CAMK2D: variants seen among roughly 807,000 people sequenced by gnomAD.
The protein encoded by CAMK2D is calcium/calmodulin dependent protein kinase II delta.
A neutral mutation model predicts 84.0 loss-of-function variants in CAMK2D; 37 were observed. That is an observed-to-expected ratio of 0.44 (90% confidence interval 0.34 to 0.58). The LOEUF (loss-of-function observed/expected upper bound fraction) is 0.58, where lower values mean the gene tolerates loss of function less well. CAMK2D is among the 20% of genes least tolerant of loss of function. CAMK2D has a pLI of 0.02. For synonymous variants in CAMK2D, 202 were observed against 212.5 expected, an observed-to-expected ratio of 0.95 and a Z score of 0.43; for missense variants, 448 against 652.5, an observed-to-expected ratio of 0.69 and a Z score of 3.41.
intron 2 of CAMK2D, among the ~76,000 whole-genome samples, chr4:113,668,028 A>G (rs964734244): frequency 6.6e-6 from 1 of 152,172 alleles, no homozygotes; most frequent in East Asian, 1.9e-4. Context: ...AAGCTCATAC[A>G]AATGTAGATT....
At chr4:113,612,400 C>T (rs2099004129) in intron 3 of CAMK2D, among the ~76,000 whole-genome samples, 1 of 152,164 alleles carries the variant, frequency 6.6e-6, no homozygotes, top group Non-Finnish European at 1.5e-5. Flanking sequence ...CTATAAATAA[C>T]TGTCAATTCA....
chr4:113,512,898 C>A lies in CAMK2D; in HGVS notation c.946+430G>T, dbSNP rs963415348. 1.5e-4 allele frequency among the ~76,000 whole-genome samples: 23 copies of A among 152,124 alleles called. 1 individual carries two copies. The highest frequency in any genetic ancestry group is 4.4e-5 in the Non-Finnish European group (3 of 68,002). ...TAATGGTCTTCTTTTAAAAATCTTGCATACTAGGATTCCCTATGAAAATGA... is the reference window on the plus strand; with the variant it reads ...TAATGGTCTTCTTTTAAAAATCTTGAATACTAGGATTCCCTATGAAAATGA... On this transcript the variant is annotated intron_variant, in intron 12 of 20. Coordinates refer to ENST00000511664, the MANE Select transcript of CAMK2D (RefSeq NM_001321571.2).
At position 113,583,203 on chromosome 4, in the gene CAMK2D, TC is replaced by T. The variant is rs1302084776; in HGVS notation, c.275+25948del. On this transcript the variant is annotated intron_variant, in intron 4 of 20. Transcript: ENST00000511664. ...ACAAGAATTTTCCAGGGTTTTGAATTCCAATGTGCATTATTTAGCAAATACC... is the reference window on the plus strand; with the variant it reads ...ACAAGAATTTTCCAGGGTTTTGAATTCAATGTGCATTATTTAGCAAATACC... Among the ~76,000 whole-genome samples the T allele has an allele frequency of 3.3e-5, 5 of 151,832 alleles. No homozygotes were observed. The East Asian group carries it at 7.7e-4, about 23-fold the overall frequency.
intron 13 of CAMK2D, among the ~76,000 whole-genome samples, chr4:113,506,621 C>T (rs981996230): frequency 2.6e-5 from 4 of 152,192 alleles, no homozygotes; most frequent in Middle Eastern, 6.8e-3. Flanking sequence ...ATTTCCTATT[C>T]GGGAAACATG....
Position 113,709,651 on chromosome 4 carries a change from T to A in CAMK2D, c.161-47879A>T, listed in dbSNP as rs138714449. ...AAAGAGTCAGAAATGCCAAATGCCA[T>A]AAGGTAACTATATGAATAAACAATA... On this transcript the variant is annotated intron_variant, in intron 2 of 20. Coordinates refer to ENST00000511664, the MANE Select transcript of CAMK2D (RefSeq NM_001321571.2). 7.6e-3 allele frequency among the ~76,000 whole-genome samples: 1,128 copies of A among 148,502 alleles called. 16 individuals are homozygous for A. Among genetic ancestry groups the A allele is most frequent in the African/African-American group, 0.027 (1,090 of 40,056 alleles).
At position 113,759,409 on chromosome 4, in the gene CAMK2D, GC is replaced by G; in HGVS notation, c.70del (p.Ala24HisfsTer5). 2 of 1,588,810 alleles carry G rather than the reference GC, an allele frequency of 1.3e-6. No homozygotes were observed. Among genetic ancestry groups the G allele is most frequent in the Non-Finnish European group, 1.7e-6 (2 of 1,163,646 alleles). ...CATACATCTTCTCACCACTGAGAAT[GC>G]CCCCCTGGAAACCAATAATTAGCAG... ...YQLFEELGKGAFSVVRRCMKI... is the reference protein window; with the variant it reads ...YQLFEELGKGXFSVVRRCMKI... On this transcript the variant is annotated frameshift_variant, in exon 2 of 21. Transcript: ENST00000511664. LOFTEE classifies it high-confidence loss of function.
intron 3 of CAMK2D, among the ~76,000 whole-genome samples, chr4:113,614,651 G>A (rs1485431917): frequency 6.6e-6 from 1 of 152,094 alleles, no homozygotes; most frequent in Non-Finnish European, 1.5e-5. Context: ...AGCTACAGTA[G>A]AGCACCCAAC....
rs573805602 is a variant in CAMK2D at position 113,513,038 on chromosome 4, C to A, written c.946+290G>T. The A allele has an allele frequency of 1.4e-4, 33 of 232,328 alleles. No individual in the cohort carries two copies. In the South Asian group the frequency reaches 4.3e-3, roughly 30 times the overall value. 14.4% of individuals were successfully genotyped at this position (232,328 alleles called of 1,614,324 possible). A position where few individuals can be genotyped will look rare whatever the true frequency, so the allele number is the denominator to read the frequency against. ...TATTTATTTCCACAACTCGTGCGCA[C>A]CCCAGCACTTGACAGATGAGGCTAG... On this transcript the variant is annotated intron_variant, in intron 12 of 20. Transcript: ENST00000511664.
At chr4:113,549,424 T>C (rs1282525225) in intron 5 of CAMK2D, among the ~76,000 whole-genome samples, 2 of 151,590 alleles carry the variant, frequency 1.3e-5, no homozygotes, top group African/African-American at 2.4e-5. Context: ...CCCTGGAGCA[T>C]TGGTAATTAT....
chr4:113,549,303 G>T (rs936383072), intron 5 of CAMK2D, among the ~76,000 whole-genome samples: 2 of 152,154 alleles, frequency 1.3e-5, no homozygotes, highest in Non-Finnish European at 2.9e-5. Context: ...CAACAATAAA[G>T]GGAGAATTTA....
At chr4:113,677,008 T>A (rs2099321033) in intron 2 of CAMK2D, among the ~76,000 whole-genome samples, 1 of 152,192 alleles carries the variant, frequency 6.6e-6, no homozygotes, top group South Asian at 2.1e-4. Flanking sequence ...GAAAAAACCC[T>A]AAAGGCGAAG....
At chr4:113,723,252 T>C (rs567694029) in intron 2 of CAMK2D, among the ~76,000 whole-genome samples, 1 of 147,172 alleles carries the variant, frequency 6.8e-6, no homozygotes, top group South Asian at 2.2e-4. Flanking sequence ...TGAGACAGAG[T>C]CTTACTCTGT....
At chr4:113,519,245 T>C (rs1475662183) in intron 8 of CAMK2D, among the ~76,000 whole-genome samples, 2 of 152,348 alleles carry the variant, frequency 1.3e-5, no homozygotes, top group Non-Finnish European at 2.9e-5. Flanking sequence ...TAGGCTGTTA[T>C]AGAATTATGA....
Position 113,547,630 on chromosome 4 carries a change from A to C in CAMK2D, c.414+14T>G, listed in dbSNP as rs1560878046. 6.5e-7 allele frequency: 1 copy of C among 1,528,890 alleles called. No individual in the cohort carries two copies. The highest frequency in any genetic ancestry group is 8.8e-7 in the Non-Finnish European group (1 of 1,132,730). 94.7% of individuals were successfully genotyped at this position (1,528,890 alleles called of 1,614,324 possible). On this transcript the variant is annotated intron_variant, in intron 6 of 20. Coordinates refer to ENST00000511664, the MANE Select transcript of CAMK2D (RefSeq NM_001321571.2). ...ACTGTGTGGTGGTTTATCTTCTTCA[A>C]CCGCATTACTCACCTTCAGGTCCCG... is the stretch of plus-strand genomic sequence containing the variant.
intron 8 of CAMK2D, among the ~76,000 whole-genome samples, chr4:113,527,882 C>T (rs1286148427): frequency 6.6e-6 from 1 of 151,998 alleles, no homozygotes; most frequent in Non-Finnish European, 1.5e-5. Context: ...CCTCACTTGT[C>T]TATCATTTTT....
intron 3 of CAMK2D, among the ~76,000 whole-genome samples, chr4:113,641,445 A>G (rs1011418080): frequency 2.6e-5 from 4 of 152,220 alleles, no homozygotes; most frequent in African/African-American, 9.6e-5. Context: ...AAAATTAAAT[A>G]AGATAATTAT....
intron 8 of CAMK2D, among the ~76,000 whole-genome samples, chr4:113,520,447 GT>G (rs1560677017): frequency 6.6e-6 from 1 of 151,604 alleles, no homozygotes. Flanking sequence ...AAATAAAAGT[GT>G]TTGTTGTTCT....
chr4:113,615,688 G>C (rs980649145), intron 3 of CAMK2D, among the ~76,000 whole-genome samples: 5 of 152,020 alleles, frequency 3.3e-5, no homozygotes, highest in African/African-American at 1.2e-4. Flanking sequence ...TTTTGAAATA[G>C]AGATGTTCAT....
chr4:113,596,015 T>C (rs1168006195), intron 4 of CAMK2D, among the ~76,000 whole-genome samples: 3 of 152,244 alleles, frequency 2.0e-5, no homozygotes, highest in African/African-American at 7.2e-5. Context: ...TCTTTCAAAA[T>C]TGGAGTCAAT....
Sources: gnomAD v4.1 joint callset for allele counts (sites outside exome capture counted in the v4.1 genomes callset) on GRCh38, gnomAD v4.1.1 for gene constraint, MANE v1.5 for transcripts, NCBI Gene and HGNC (gene_info 2026-07-23, HGNC 2026-07-21) for gene names.